Variants in GSE1 observed in about 807,000 individuals in gnomAD.
GSE1 encodes genetic suppressor element 1.
In GSE1, 32 loss-of-function variants were observed where a neutral mutation model predicts 112.6. The observed-to-expected ratio is 0.28, with a 90% CI of 0.21 to 0.38. GSE1 has a LOEUF of 0.38. Ranked by LOEUF, GSE1 falls within the 10% of genes least tolerant of loss-of-function variation. The probability of loss-of-function intolerance (pLI) is 1.00; values close to 1 mark genes in which losing one functional copy is unlikely to be tolerated. For missense variants in GSE1, 2,348 were observed against 1,699.2 expected, an observed-to-expected ratio of 1.38 and a Z score of -6.71; for synonymous variants, 1,115 against 735.6, an observed-to-expected ratio of 1.52 and a Z score of -8.35.
At chr16:85,642,225 C>T (rs2151824312) in intron 2 of GSE1, among the ~76,000 whole-genome samples, 1 of 152,376 alleles carries the variant, frequency 6.6e-6, no homozygotes, top group East Asian at 1.9e-4. Flanking sequence ...GTGGGAGGAT[C>T]ACTTGAGCCC....
intron 1 of GSE1, among the ~76,000 whole-genome samples, chr16:85,345,628 C>G (rs1014701611): frequency 8.5e-5 from 13 of 152,184 alleles, no homozygotes; most frequent in Admixed American, 3.9e-4. Flanking sequence ...TCTCCACCCA[C>G]CCGCCCTTCT....
chr16:85,553,155 G>A (rs1429863425), upstream of GSE1, among the ~76,000 whole-genome samples: 5 of 151,778 alleles, frequency 3.3e-5, no homozygotes, highest in African/African-American at 1.2e-4. Flanking sequence ...CGCCCCCCAG[G>A]GGCACAGATC....
At chr16:85,274,815 C>G (rs1909195076) in intron 1 of GSE1, among the ~76,000 whole-genome samples, 1 of 152,194 alleles carries the variant, frequency 6.6e-6, no homozygotes, top group Admixed American at 6.5e-5. Context: ...GCAGAAAGCT[C>G]ACACTGGCAC....
chr16:85,650,746 G>A (rs546464041), intron 3 of GSE1, among the ~76,000 whole-genome samples: 344 of 152,270 alleles, frequency 2.3e-3, no homozygotes, highest in Non-Finnish European at 3.9e-3. Context: ...CAGAGGCTCA[G>A]CGGGGCATTT....
intron 1 of GSE1, among the ~76,000 whole-genome samples, chr16:85,196,076 G>C (rs1327937100): frequency 6.6e-6 from 1 of 152,230 alleles, no homozygotes; most frequent in East Asian, 1.9e-4. Context: ...TTCACGCCCA[G>C]TGGGGAAAAA....
At position 85,648,733 on chromosome 16, in the gene GSE1, G is replaced by C; in HGVS notation, c.408G>C (p.Trp136Cys). ...IAPTKTVNGV[W>C]RSESRQDAGS... ...CAACCAAAACCGTGAATGGTGTCTG[G>C]AGGAGTGAGAGCCGGCAGGTGAGTG... Residue 136 changes from tryptophan (W) to cysteine (C), a missense_variant, in exon 3 of 16, where the codon TGG (tryptophan) becomes TGC (cysteine). Coordinates refer to ENST00000253458, the MANE Select transcript of GSE1 (RefSeq NM_014615.5). 1.9e-6 allele frequency: 3 copies of C among 1,594,016 alleles called. No homozygotes were observed. The highest frequency in any genetic ancestry group is 2.6e-6 in the Non-Finnish European group (3 of 1,171,236).
At chr16:85,206,935 C>T (rs2075128447) in intron 1 of GSE1, among the ~76,000 whole-genome samples, 1 of 150,480 alleles carries the variant, frequency 6.6e-6, no homozygotes, top group Non-Finnish European at 1.5e-5. Context: ...GCGCCGGTGG[C>T]CAAGAGGAGA....
intron 1 of GSE1, among the ~76,000 whole-genome samples, chr16:85,278,207 A>G (rs1461300129): frequency 6.6e-6 from 1 of 152,184 alleles, no homozygotes; most frequent in African/African-American, 2.4e-5. Flanking sequence ...CTGCAGCGTC[A>G]GGGGGCGGGG....
chr16:85,662,865 T>G, intron 9 of GSE1, 116 bp from the exon 10 acceptor site: 1 of 708,352 alleles, frequency 1.4e-6, no homozygotes, highest in Non-Finnish European at 2.5e-6. Flanking sequence ...TTCAGGGTGT[T>G]CAGGTGCCAG....
intron 1 of GSE1, among the ~76,000 whole-genome samples, chr16:85,633,658 G>A (rs570877030): frequency 1.1e-4 from 16 of 152,358 alleles, no homozygotes; most frequent in African/African-American, 3.1e-4. Context: ...TAGAGGGACA[G>A]TGCTGGCCCA....
chr16:85,300,037 G>A (rs1232745621), intron 1 of GSE1, among the ~76,000 whole-genome samples: 1 of 150,202 alleles, frequency 6.7e-6, no homozygotes, highest in Non-Finnish European at 1.5e-5. Flanking sequence ...TTGAGACACA[G>A]TTTTGCTCTT....
At chr16:85,595,907 C>G (rs1342234587) in intron 1 of GSE1, among the ~76,000 whole-genome samples, 2 of 138,948 alleles carry the variant, frequency 1.4e-5, no homozygotes, top group African/African-American at 5.5e-5. Context: ...CATCCACCCA[C>G]CCATTCTTCC....
rs116590616 is a variant in GSE1, at chr16:85,419,030, C to T, written c.2464+61387C>T. Among the ~76,000 whole-genome samples, 75 of 152,198 alleles carry T rather than the reference C, an allele frequency of 4.9e-4. No homozygotes were observed. Among genetic ancestry groups the T allele is most frequent in the African/African-American group, 1.4e-3 (60 of 41,528 alleles). The stretch of plus-strand genomic sequence containing the variant: ...GTGAGAGCTGCCGTGAGACACTGTG[C>T]GGAGATCCAACTGGCAGTTGGATAT... On this transcript the variant is annotated intron_variant, in intron 2 of 2. Transcript: ENST00000637419. This position sits in a 1 kb window ranked among gnomAD's most constrained non-coding sequence, Gnocchi z 6.5.
At chr16:85,539,906 C>T (rs1418970745) in intron 2 of GSE1, among the ~76,000 whole-genome samples, 1 of 152,208 alleles carries the variant, frequency 6.6e-6, no homozygotes, top group Non-Finnish European at 1.5e-5. Context: ...GAGTCCTGGC[C>T]CTCGTGGGGC....
At chr16:85,556,302 C>T (rs1230284562) in exon 1 of GSE1, 3 of 983,614 alleles carry the variant, frequency 3.0e-6, no homozygotes, top group East Asian at 2.3e-4. Flanking sequence ...CCCTCTCTGG[C>T]CACTATGGAA....
At chr16:85,387,583 A>G (rs1346834537) in intron 2 of GSE1, among the ~76,000 whole-genome samples, 1 of 152,232 alleles carries the variant, frequency 6.6e-6, no homozygotes, top group African/African-American at 2.4e-5. Context: ...CCTCCAGGAC[A>G]TCACCTGCTT....
chr16:85,260,237 A>T (rs1359913129), intron 1 of GSE1, among the ~76,000 whole-genome samples: 2 of 151,640 alleles, frequency 1.3e-5, no homozygotes, highest in African/African-American at 4.9e-5. Context: ...GTCTTGGGTC[A>T]CACCACGGCT....
intron 2 of GSE1, among the ~76,000 whole-genome samples, chr16:85,646,257 T>G (rs2050862371): frequency 1.3e-5 from 2 of 150,840 alleles, no homozygotes; most frequent in Non-Finnish European, 2.9e-5. Context: ...TACCACGCAT[T>G]CTACTTGCTT....
chr16:85,317,428 C>T (rs2046009005), intron 1 of GSE1, among the ~76,000 whole-genome samples: 1 of 152,168 alleles, frequency 6.6e-6, no homozygotes, highest in Admixed American at 6.5e-5. Flanking sequence ...GGACCAGCCT[C>T]AGCCAGCAGC....
Sources: gnomAD v4.1 joint callset for allele counts (sites outside exome capture counted in the v4.1 genomes callset) on GRCh38, gnomAD v4.1.1 for gene constraint, Gnocchi (gnomAD v3.1) non-coding constraint, MANE v1.5 for transcripts, NCBI Gene and HGNC (gene_info 2026-07-23, HGNC 2026-07-21) for gene names.